GPD2: variants seen among roughly 807,000 people sequenced by gnomAD.
The protein encoded by GPD2 is glycerol-3-phosphate dehydrogenase 2, also known as glycerol-3-phosphate dehydrogenase, mitochondrial.
Under a neutral mutation model 82.4 loss-of-function variants are expected in GPD2, and 54 were observed. That is an observed-to-expected ratio of 0.66 (90% CI 0.53 to 0.82). The LOEUF (loss-of-function observed/expected upper bound fraction) is 0.82. Among genes scored for constraint, GPD2 ranks in the 40% least tolerant of loss-of-function variants. The probability of loss-of-function intolerance (pLI) is 0.00; values close to 1 mark genes in which losing one functional copy is unlikely to be tolerated. For synonymous variants in GPD2, 288 were observed against 306.1 expected, an observed-to-expected ratio of 0.94 and a Z score of 0.62; for missense variants, 748 against 896.2, an observed-to-expected ratio of 0.83 and a Z score of 2.11.
At chr2:156,427,965 A>T in the GPD2 span, among the ~76,000 whole-genome samples, 1 of 152,182 alleles carries the variant, frequency 6.6e-6, no homozygotes, top group Non-Finnish European at 1.5e-5. Flanking sequence ...TGCTGTGTGC[A>T]TACAATCTTC....
chr2:156,545,229 A>G (rs1223091435), intron 6 of GPD2, among the ~76,000 whole-genome samples: 2 of 152,158 alleles, frequency 1.3e-5, no homozygotes, highest in Non-Finnish European at 2.9e-5. Context: ...TATAGTGGTT[A>G]TATTAAATCA....
intron 6 of GPD2, among the ~76,000 whole-genome samples, chr2:156,525,807 T>G (rs79347136): frequency 0.02 from 3,030 of 152,286 alleles, 93 homozygotes; most frequent in African/African-American, 0.068. Flanking sequence ...TAAACTGTGC[T>G]TCTGTTTTAT....
At chr2:156,559,106 T>G (rs1277622786) in intron 9 of GPD2, among the ~76,000 whole-genome samples, 1 of 152,138 alleles carries the variant, frequency 6.6e-6, no homozygotes, top group Non-Finnish European at 1.5e-5. Context: ...TCCCCAACTC[T>G]TCATCTTGGC....
chr2:156,401,202 A>G, the GPD2 span, among the ~76,000 whole-genome samples: 1 of 152,148 alleles, frequency 6.6e-6, no homozygotes, highest in African/African-American at 2.4e-5. Flanking sequence ...GAATTCTACC[A>G]CTGAACCACC....
At chr2:156,460,277 G>A (rs997475728) in intron 1 of GPD2, among the ~76,000 whole-genome samples, 2 of 152,150 alleles carry the variant, frequency 1.3e-5, no homozygotes, top group African/African-American at 4.8e-5. Context: ...AATTGCATCT[G>A]CTCAGTCAGA....
chr2:156,508,329 T>C (rs1423903121), intron 3 of GPD2, among the ~76,000 whole-genome samples: 3 of 152,066 alleles, frequency 2.0e-5, no homozygotes, highest in Non-Finnish European at 4.4e-5. Context: ...TAGAGAATAC[T>C]GGAAAGAGAG....
chr2:156,585,153 A>G lies in GPD2; in HGVS notation c.*2235A>G, dbSNP rs1297231357. On this transcript the variant is annotated 3_prime_UTR_variant, in exon 17 of 17. Transcript: ENST00000438166. ...GAACTGATTTCAAGCCGTTACTGTG[A>G]ATAAAGCACCCCAGCATTTTGTATA... is the stretch of plus-strand genomic sequence containing the variant. 5 of 152,284 alleles carry G rather than the reference A, an allele frequency of 3.3e-5. No homozygotes were observed. Among genetic ancestry groups the G allele is most frequent in the African/African-American group, 1.2e-4 (5 of 41,424 alleles). 9.4% of individuals were successfully genotyped at this position (152,284 alleles called of 1,614,324 possible).
chr2:156,471,545 A>G (rs570810673), intron 1 of GPD2, among the ~76,000 whole-genome samples: 1 of 152,224 alleles, frequency 6.6e-6, no homozygotes, highest in African/African-American at 2.4e-5. Context: ...CGAGATAACT[A>G]TTTGTATGCC....
the GPD2 span, among the ~76,000 whole-genome samples, chr2:156,420,080 C>T: frequency 6.6e-6 from 1 of 152,160 alleles, no homozygotes; most frequent in Admixed American, 6.5e-5. Flanking sequence ...TATTTGGCAT[C>T]CTAACAATTG....
In GPD2 at chr2:156,488,218, G is replaced by GA. The variant is rs970861262; in HGVS notation, c.103-7818dup. 1.6e-4 allele frequency among the ~76,000 whole-genome samples: 25 copies of GA among 151,836 alleles called. 1 individual carries two copies. The South Asian group carries it at 2.7e-3, about 16-fold the overall frequency. On this transcript the variant is annotated intron_variant, in intron 2 of 16. Coordinates refer to ENST00000438166, the MANE Select transcript of GPD2 (RefSeq NM_000408.5). ...GTTGCTTACTCTCATGTAAGTGCAG[G>GA]AAAAAAAATGTCAGTTTTTAGAATC...
intron 6 of GPD2, among the ~76,000 whole-genome samples, chr2:156,521,342 T>C (rs1685399933): frequency 6.6e-6 from 1 of 152,212 alleles, no homozygotes; most frequent in Admixed American, 6.5e-5. Flanking sequence ...ATCAGCAATA[T>C]GGAAGGAGAT....
chr2:156,495,411 T>C lies in GPD2; in HGVS notation c.103-633T>C, dbSNP rs185028136. Among the ~76,000 whole-genome samples the C allele has an allele frequency of 8.5e-5, 13 of 152,326 alleles. No individual in the cohort carries two copies. In the East Asian group the frequency reaches 2.5e-3, roughly 29 times the overall value. ...TACTTTCAATGTATAGAATCTATGGTTTTATATTAAAATATTTAGTATGGA... is the reference window on the plus strand; with the variant it reads ...TACTTTCAATGTATAGAATCTATGGCTTTATATTAAAATATTTAGTATGGA... On this transcript the variant is annotated intron_variant, in intron 2 of 16. Coordinates refer to ENST00000438166, the MANE Select transcript of GPD2 (RefSeq NM_000408.5).
intron 1 of GPD2, among the ~76,000 whole-genome samples, chr2:156,467,553 T>C (rs1260707283): frequency 1.8e-4 from 28 of 152,208 alleles, no homozygotes; most frequent in Admixed American, 1.8e-3. Flanking sequence ...TGTTTGTGTG[T>C]TTTTGCTTTT....
intron 2 of GPD2, among the ~76,000 whole-genome samples, chr2:156,480,130 A>C (rs929786509): frequency 3.9e-5 from 6 of 152,238 alleles, no homozygotes; most frequent in Non-Finnish European, 8.8e-5. Flanking sequence ...AGGAAGTAGC[A>C]CTTCATAGAG....
At chr2:156,502,183 A>T (rs1684609704) in intron 3 of GPD2, among the ~76,000 whole-genome samples, 1 of 152,048 alleles carries the variant, frequency 6.6e-6, no homozygotes, top group African/African-American at 2.4e-5. Flanking sequence ...TGAATCAAGG[A>T]TGTAACTTTA....
chr2:156,579,582 T>C, intron 15 of GPD2, 108 bp from the exon 16 acceptor site: 2 of 698,392 alleles, frequency 2.9e-6, no homozygotes, highest in Non-Finnish European at 5.3e-6. Flanking sequence ...TCTGCCTGCC[T>C]TGGCCTCCCA....
intron 13 of GPD2, among the ~76,000 whole-genome samples, chr2:156,571,743 T>TAC (rs35808251): frequency 6.6e-5 from 10 of 151,638 alleles, no homozygotes; most frequent in Non-Finnish European, 1.0e-4. Context: ...CTCAGATGCA[T>TAC]ACACACACAC....
intron 6 of GPD2, among the ~76,000 whole-genome samples, chr2:156,516,460 A>G (rs1685198692): frequency 6.6e-6 from 1 of 152,226 alleles, no homozygotes; most frequent in Admixed American, 6.5e-5. Context: ...GTTTTTTGAG[A>G]CAGAGTCTTG....
intron 1 of GPD2, chr2:156,436,721 T>C (rs915054895): frequency 6.6e-6 from 1 of 152,140 alleles, no homozygotes; most frequent in African/African-American, 2.4e-5. Flanking sequence ...GAGGCGGCAT[T>C]TGTAAAATAG....
Sources: allele counts gnomAD v4.1 joint callset (sites outside exome capture counted in the v4.1 genomes callset), GRCh38; gene constraint gnomAD v4.1.1; transcripts MANE v1.5; gene names NCBI Gene and HGNC (gene_info 2026-07-23, HGNC 2026-07-21).